Variants in CDC42BPA observed in about 807,000 individuals in gnomAD.
CDC42BPA encodes CDC42 binding protein kinase alpha.
A neutral mutation model predicts 223.5 loss-of-function variants in CDC42BPA; 80 were observed. That is an observed-to-expected ratio of 0.36 (90% CI 0.30 to 0.43). The LOEUF (loss-of-function observed/expected upper bound fraction) is 0.43. CDC42BPA is among the 20% of genes least tolerant of loss of function. The pLI is 1.00. For synonymous variants in CDC42BPA, 694 were observed against 718.6 expected, an observed-to-expected ratio of 0.97 and a Z score of 0.55; for missense variants, 1,743 against 2,099.9, an observed-to-expected ratio of 0.83 and a Z score of 3.32.
rs760441831 is a variant in CDC42BPA, at chr1:226,992,185, T to C, written c.*2083A>G. On this transcript the variant is annotated 3_prime_UTR_variant, in exon 37 of 37. Transcript: ENST00000366766. Reference sequence around the variant, plus strand: ...GAGGACAAGGATCTACCAAGTCATATGACAATGATCCAACTAAAGGGCCAA... The same window carrying C: ...GAGGACAAGGATCTACCAAGTCATACGACAATGATCCAACTAAAGGGCCAA... 6.6e-6 allele frequency: 1 copy of C among 152,198 alleles called. No homozygotes were observed. The highest frequency in any genetic ancestry group is 1.5e-5 in the Non-Finnish European group (1 of 68,030). The allele number at this position is 152,198 out of a possible 1,614,324, so 9.4% of individuals were successfully genotyped here.
At position 227,005,065 on chromosome 1, in the gene CDC42BPA, C is replaced by T; in HGVS notation, c.4904G>A (p.Ser1635Asn). The change falls in exon 35 of 37, where the codon AGT becomes AAT. Residue 1635 changes from serine to asparagine, a missense_variant. Physicochemically the swap from Ser to Asn is conservative, Grantham distance 46. This residue lies in a region of CDC42BPA where 200 missense variants were observed against 192.8 expected (regional missense o/e 1.04). Coordinates refer to ENST00000366766, the MANE Select transcript of CDC42BPA (RefSeq NM_001394014.1). Reference protein sequence around the residue: ...ESRTVFSGSVSIPSITKSRPE... With the variant: ...ESRTVFSGSVNIPSITKSRPE... ...GCGGGATTTGGTGATAGATGGAATACTGACTGAGCCACTGAATACTGTCCG... is the reference window on the plus strand; with the variant it reads ...GCGGGATTTGGTGATAGATGGAATATTGACTGAGCCACTGAATACTGTCCG... 1.9e-6 allele frequency: 3 copies of T among 1,614,208 alleles called. No individual in the cohort carries two copies. The highest frequency in any genetic ancestry group is 2.5e-6 in the Non-Finnish European group (3 of 1,180,022).
At chr1:227,138,323 G>A (rs1322955789) in intron 10 of CDC42BPA, among the ~76,000 whole-genome samples, 1 of 151,932 alleles carries the variant, frequency 6.6e-6, no homozygotes, top group Non-Finnish European at 1.5e-5. Flanking sequence ...CAGTAGTACT[G>A]GGGATATATA....
rs71180728 is a variant in CDC42BPA, at chr1:227,315,955, CAAAAAAAA to C, written c.178+1042_178+1049del. On this transcript the variant is annotated intron_variant, in intron 1 of 36. Transcript: ENST00000366766. ...ACTAACTTTGAATAAATTTCAAATC[CAAAAAAAA>C]AAAAAAAAAAAGACACAATCAGCAC... Among the ~76,000 whole-genome samples the C allele has an allele frequency of 3.6e-5, 4 of 110,980 alleles. No individual in the cohort carries two copies. In the South Asian group the frequency reaches 8.3e-4, roughly 23 times the overall value. The allele number at this position is 110,980 out of a possible 152,430, so 72.8% of individuals were successfully genotyped here. A position where few individuals can be genotyped will look rare whatever the true frequency, so the allele number is the denominator to read the frequency against.
At chr1:227,068,274 T>C (rs566205598) in intron 21 of CDC42BPA, among the ~76,000 whole-genome samples, 3 of 150,702 alleles carry the variant, frequency 2.0e-5, no homozygotes, top group African/African-American at 4.9e-5. Flanking sequence ...TTAACCAACA[T>C]AGAAATTAAA....
intron 16 of CDC42BPA, among the ~76,000 whole-genome samples, chr1:227,085,378 T>C (rs1194825322): frequency 6.6e-6 from 1 of 152,266 alleles, no homozygotes; most frequent in African/African-American, 2.4e-5. Context: ...AAAATAGCCA[T>C]TTAAAAATGT....
At chr1:227,236,388 A>G (rs1048387141) in intron 2 of CDC42BPA, among the ~76,000 whole-genome samples, 4 of 152,120 alleles carry the variant, frequency 2.6e-5, no homozygotes, top group Admixed American at 1.3e-4. Flanking sequence ...CTATGTCTTG[A>G]TTTTTTATCT....
chr1:227,057,889 G>A (rs563859694), intron 21 of CDC42BPA, among the ~76,000 whole-genome samples: 1 of 152,092 alleles, frequency 6.6e-6, no homozygotes, highest in Non-Finnish European at 1.5e-5. Flanking sequence ...TGCAAGGCAA[G>A]TGAGACATAA....
intron 6 of CDC42BPA, among the ~76,000 whole-genome samples, chr1:227,159,090 C>T (rs1029102639): frequency 7.2e-5 from 11 of 152,296 alleles, no homozygotes; most frequent in Non-Finnish European, 1.5e-4. Flanking sequence ...TTTACAGTTC[C>T]TTACAGTGGG....
rs1283285265 is a variant in CDC42BPA at position 227,029,149 on chromosome 1, G to A, written c.3940C>T (p.Leu1314Phe). ...CCATCCAATGCTGACATAGGAAAAAGTCGTACATGACGATTTCGTCCTGAG... is the reference window on the plus strand; with the variant it reads ...CCATCCAATGCTGACATAGGAAAAAATCGTACATGACGATTTCGTCCTGAG... ...VISGRNRHVR[L>F]FPMSALDGRE... The change falls in exon 30 of 37, where the codon CTT becomes TTT. Residue 1314 changes from leucine to phenylalanine, a missense_variant. Around this residue, in one of 6 missense-constraint regions of CDC42BPA, gnomAD observed 678 missense variants for 777.5 expected, o/e 0.87. Coordinates refer to ENST00000366766, the MANE Select transcript of CDC42BPA (RefSeq NM_001394014.1). 1 of 1,607,380 alleles carries A rather than the reference G, an allele frequency of 6.2e-7. No homozygotes were observed. The highest frequency in any genetic ancestry group is 1.3e-5 in the African/African-American group (1 of 74,924).
intron 10 of CDC42BPA, among the ~76,000 whole-genome samples, chr1:227,130,915 T>C (rs531089782): frequency 1.3e-5 from 2 of 152,222 alleles, no homozygotes; most frequent in East Asian, 3.9e-4. Flanking sequence ...GGAGCTACTT[T>C]TCCTCCTGTA....
intron 1 of CDC42BPA, among the ~76,000 whole-genome samples, chr1:227,295,187 G>C (rs1432052422): frequency 1.3e-5 from 2 of 151,716 alleles, no homozygotes; most frequent in Non-Finnish European, 2.9e-5. Context: ...TTTTCTTTTT[G>C]ATACAGGTTC....
chr1:227,106,357 T>A (rs1031940277), intron 14 of CDC42BPA, among the ~76,000 whole-genome samples: 10 of 152,204 alleles, frequency 6.6e-5, no homozygotes, highest in African/African-American at 2.4e-4. Context: ...ACATATATGA[T>A]TTGCAAATAT....
chr1:227,029,331 C>T, intron 29 of CDC42BPA, 81 bp from the exon 30 acceptor site: 4 of 882,086 alleles, frequency 4.5e-6, no homozygotes, highest in Non-Finnish European at 6.7e-6. Flanking sequence ...GGATGTAAGT[C>T]AACTTACAGA....
At chr1:227,148,771 G>GAAAAAAAAAA (rs1491285386) in intron 6 of CDC42BPA, among the ~76,000 whole-genome samples, 7 of 7,712 alleles carry the variant, frequency 9.1e-4, no homozygotes, top group South Asian at 5.0e-3. Context: ...GGTCTCAAAA[G>GAAAAAAAAAA]CAAAAAAAAA....
At chr1:227,064,093 G>A (rs1676488915) in intron 21 of CDC42BPA, among the ~76,000 whole-genome samples, 1 of 152,146 alleles carries the variant, frequency 6.6e-6, no homozygotes, top group African/African-American at 2.4e-5. Flanking sequence ...AGGGGGACCA[G>A]ACTGTTGGGC....
chr1:227,098,137 G>A (rs1380155923), intron 15 of CDC42BPA, among the ~76,000 whole-genome samples: 1 of 152,112 alleles, frequency 6.6e-6, no homozygotes, highest in African/African-American at 2.4e-5. Flanking sequence ...ATTCGGCGCT[G>A]CTAACACAAG....
At chr1:227,112,094 G>T in intron 14 of CDC42BPA, 1 of 376,218 alleles carries the variant, frequency 2.7e-6, no homozygotes, top group Non-Finnish European at 4.7e-6. Flanking sequence ...CCTCCTGATA[G>T]ATTCATATTT....
At chr1:227,296,773 G>A (rs1690719690) in intron 1 of CDC42BPA, among the ~76,000 whole-genome samples, 1 of 148,542 alleles carries the variant, frequency 6.7e-6, no homozygotes, top group Non-Finnish European at 1.5e-5. Context: ...CATTGGATTT[G>A]GCAATGGGTT....
At chr1:227,281,628 G>A (rs1026724647) in intron 1 of CDC42BPA, among the ~76,000 whole-genome samples, 1 of 152,188 alleles carries the variant, frequency 6.6e-6, no homozygotes, top group Admixed American at 6.5e-5. Flanking sequence ...GGGACCTGGA[G>A]GCCCTGAGCA....
Sources: gnomAD v4.1 joint callset for allele counts (sites outside exome capture counted in the v4.1 genomes callset) on GRCh38, gnomAD v4.1.1 for gene constraint, gnomAD v4.1.1 regional missense constraint, MANE v1.5 for transcripts, NCBI Gene and HGNC (gene_info 2026-07-23, HGNC 2026-07-21) for gene names.